Variants in LRP4 observed in about 807,000 individuals in gnomAD.
LRP4 encodes the protein LDL receptor related protein 4.
In LRP4, 95 loss-of-function variants were observed where a neutral mutation model predicts 220.3. That is an observed-to-expected ratio of 0.43 (90% CI 0.37 to 0.51). The LOEUF is 0.51. Ranked by LOEUF, LRP4 falls within the 20% of genes least tolerant of loss-of-function variation. The pLI is 0.00. For synonymous variants in LRP4, 903 were observed against 954.6 expected (o/e 0.95, Z 1.00); for missense variants, 1,925 against 2,567.0 (o/e 0.75, Z 5.40).
chr11:46,879,403 G>T, intron 20 of LRP4, 88 bp from the exon 21 acceptor site: 1 of 1,360,328 alleles, frequency 7.4e-7, no homozygotes. Context: ...TCAGAAAGCA[G>T]CTCTCCCACT....
chr11:46,880,773 T>A (rs912146633), intron 20 of LRP4, among the ~76,000 whole-genome samples: 1 of 151,834 alleles, frequency 6.6e-6, no homozygotes, highest in African/African-American at 2.4e-5. Flanking sequence ...GGGCAAGGAC[T>A]ATGATTAGAC....
rs1434041518 is a variant in LRP4 at position 46,890,656 on chromosome 11, G to C, written c.1698-162C>G. Among the ~76,000 whole-genome samples, 1 of 152,094 alleles carries C rather than the reference G, an allele frequency of 6.6e-6. No homozygotes were observed. Among genetic ancestry groups the C allele is most frequent in the African/African-American group, 2.4e-5 (1 of 41,410 alleles). On this transcript the variant is annotated intron_variant, in intron 13 of 37. Coordinates refer to ENST00000378623, the MANE Select transcript of LRP4 (RefSeq NM_002334.4). The surrounding 1 kb of genome is among the most constrained non-coding windows in gnomAD (Gnocchi z 5.3). ...AGACGGGGTCTCATTTTGTCACCCA[G>C]GCTGGAGGGCAGGTGAGATTACAGC... is the stretch of plus-strand genomic sequence containing the variant.
chr11:46,868,204 A>T, intron 33 of LRP4, 90 bp from the exon 34 acceptor site: 1 of 1,534,364 alleles, frequency 6.5e-7, no homozygotes, highest in South Asian at 1.1e-5. Context: ...TTGACAAAAC[A>T]ATCTTTTAGC....
chr11:46,882,805 G>A (rs1378115123), intron 19 of LRP4, among the ~76,000 whole-genome samples: 1 of 151,912 alleles, frequency 6.6e-6, no homozygotes. Flanking sequence ...GCAGTGAGCC[G>A]TGATTTGCAC....
chr11:46,875,506 T>C lies in LRP4; in HGVS notation c.3875A>G (p.Asn1292Ser), dbSNP rs1940988737. 1 of 1,614,098 alleles carries C rather than the reference T, an allele frequency of 6.2e-7. No individual in the cohort carries two copies. Among genetic ancestry groups the C allele is most frequent in the Non-Finnish European group, 8.5e-7 (1 of 1,180,016 alleles). ...CTGCATGTCCATGAGGCCTGGCAGG[T>C]TGGACCTCACGAGGATGACATTGCT... ...TGSNVILVRSNLPGLMDMQAV... is the reference protein window; with the variant it reads ...TGSNVILVRSSLPGLMDMQAV... Residue 1292 changes from asparagine (N) to serine (S), a missense_variant, in exon 27 of 38, where the codon AAC becomes AGC. Asn to Ser is a conservative substitution (Grantham distance 46, BLOSUM62 1). Transcript: ENST00000378623. The surrounding 1 kb of genome is among the most constrained non-coding windows in gnomAD (Gnocchi z 4.5).
intron 1 of LRP4, among the ~76,000 whole-genome samples, chr11:46,912,558 G>A (rs910829073): frequency 2.0e-5 from 3 of 152,176 alleles, no homozygotes; most frequent in Admixed American, 1.3e-4. Context: ...CTCTCCACTT[G>A]GTTAGAAGGA....
rs7926667 is a variant in LRP4, at chr11:46,896,317, A to G, written c.941T>C (p.Leu314Ser). The G allele has an allele frequency of 9.6e-3, 15,441 of 1,614,034 alleles. 1,280 individuals carry two copies. The African/African-American group carries it at 0.18, about 19-fold the overall frequency. The change falls in exon 9 of 38, where the codon TTG (leucine) becomes TCG (serine). Residue 314 changes from leucine (L) to serine (S), a missense_variant. Physicochemically the swap from Leu to Ser is moderately radical, Grantham distance 145. Around this residue, in one of 3 missense-constraint regions of LRP4, gnomAD observed 412 missense variants for 505.4 expected, o/e 0.82. Transcript: ENST00000378623. ...CCCATTCCAACACAGGAACTGGTCC[A>G]AGGCACATTGGGGGCTTCCTAGAGA... ...CENTGSPQCA[L>S]DQFLCWNGRC...
At chr11:46,896,628 G>A (rs550865743) in intron 8 of LRP4, among the ~76,000 whole-genome samples, 21 of 152,364 alleles carry the variant, frequency 1.4e-4, no homozygotes, top group Admixed American at 3.3e-4. Context: ...ATGGAGGGTA[G>A]TCCTTCCTCA....
intron 18 of LRP4, among the ~76,000 whole-genome samples, chr11:46,885,036 C>T (rs1941254173): frequency 6.6e-6 from 1 of 152,124 alleles, no homozygotes; most frequent in South Asian, 2.1e-4. Context: ...CCTAGATTGG[C>T]ATGCAGTGGT....
intron 20 of LRP4, among the ~76,000 whole-genome samples, chr11:46,880,839 G>A (rs1476113202): frequency 6.6e-6 from 1 of 151,884 alleles, no homozygotes; most frequent in Non-Finnish European, 1.5e-5. Flanking sequence ...ACTTTGGGAG[G>A]CTGAGGCAGA....
chr11:46,864,418 A>T (rs770754177), intron 36 of LRP4, 30 bp downstream of exon 36: 1 of 1,497,072 alleles, frequency 6.7e-7, no homozygotes. Flanking sequence ...ACCAATGAGC[A>T]TGTGGCCCCT....
In LRP4 at chr11:46,892,900, T is replaced by G. The variant is rs1206808052; in HGVS notation, c.1697+73A>C. On this transcript the variant is annotated intron_variant, in intron 13 of 37. Transcript: ENST00000378623. ...ACACTTTGAGGATGTACTCCCAGAA[T>G]GTCTAGTCCAGGTAGCCTGGGAGCT... 12 of 1,558,038 alleles carry G rather than the reference T, an allele frequency of 7.7e-6. No homozygotes were observed. In the Admixed American group the frequency reaches 2.1e-4, roughly 28 times the overall value.
rs759662512 is a variant in LRP4, at chr11:46,869,094, C to G, written c.4731G>C (p.Lys1577Asn). ...RWIYWTDWQT[K>N]SIQRVDKYSG... is the part of the protein sequence containing the mutation. The stretch of plus-strand genomic sequence containing the variant: ...AGTATTTGTCAACACGCTGGATTGA[C>G]TTGGTCTGCCAGTCTGTCCAGTAGA... The change falls in exon 32 of 38, where the codon AAG (lysine) becomes AAC (asparagine). Residue 1577 changes from lysine to asparagine, a missense_variant. By Grantham distance (94) the Lys-to-Asn change is moderately conservative. Transcript: ENST00000378623. The G allele has an allele frequency of 6.2e-7, 1 of 1,614,172 alleles. No homozygotes were observed. Among genetic ancestry groups the G allele is most frequent in the Non-Finnish European group, 8.5e-7 (1 of 1,180,024 alleles).
At chr11:46,910,119 C>G (rs907476131) in intron 1 of LRP4, among the ~76,000 whole-genome samples, 1 of 152,120 alleles carries the variant, frequency 6.6e-6, no homozygotes, top group Non-Finnish European at 1.5e-5. Flanking sequence ...CACATGATTG[C>G]GGGTCCAAGC....
rs1565799717 is a variant in LRP4, at chr11:46,898,665, G to A, written c.689C>T (p.Pro230Leu). 3.1e-6 allele frequency: 5 copies of A among 1,614,000 alleles called. No homozygotes were observed. In the African/African-American group the frequency reaches 5.3e-5, roughly 17 times the overall value. ...SDESDCSSHQ[P>L]CRSGEFMCDS... ...ACACATGAACTCCCCAGAGCGGCAG[G>A]GCTGGTGGGAGGCTAGGGAAACACA... Residue 230 changes from proline to leucine, a missense_variant, in exon 7 of 38, where the codon CCC becomes CTC. Around this residue, in one of 3 missense-constraint regions of LRP4, gnomAD observed 412 missense variants for 505.4 expected, o/e 0.82. Transcript: ENST00000378623.
chr11:46,878,773 C>A, intron 22 of LRP4, 134 bp downstream of exon 22: 1 of 1,332,612 alleles, frequency 7.5e-7, no homozygotes, highest in Non-Finnish European at 1.1e-6. Flanking sequence ...AGCCGTGAGT[C>A]TCTCCCCTGG....
Position 46,868,828 on chromosome 11 carries a change from G to A in LRP4, c.4838-115C>T, listed in dbSNP as rs961695404. 10 of 1,243,316 alleles carry A rather than the reference G, an allele frequency of 8.0e-6. No homozygotes were observed. The South Asian group carries it at 8.5e-5, about 11-fold the overall frequency. 77.0% of individuals were successfully genotyped at this position (1,243,316 alleles called of 1,614,324 possible). A position where few individuals can be genotyped will look rare whatever the true frequency, so the allele number is the denominator to read the frequency against. ...CCCTACTCCCAGGGACAGGGGAGGA[G>A]GAGAGATACAACCGCGAGGGAGTAA... On this transcript the variant is annotated intron_variant, in intron 32 of 37. Coordinates refer to ENST00000378623, the MANE Select transcript of LRP4 (RefSeq NM_002334.4).
intron 6 of LRP4, 44 bp from the exon 7 acceptor site, chr11:46,898,721 G>A (rs1160305888): frequency 6.2e-7 from 1 of 1,613,116 alleles, no homozygotes; most frequent in Non-Finnish European, 8.5e-7. Flanking sequence ...TCTGTGCAGT[G>A]TCCCATGGCA....
At chr11:46,889,389 C>G in intron 16 of LRP4, 22 bp downstream of exon 16, 1 of 1,613,582 alleles carries the variant, frequency 6.2e-7, no homozygotes, top group Admixed American at 1.7e-5. Flanking sequence ...TCCATGGAGG[C>G]TGGTGTTGCA....
Sources: gnomAD v4.1 joint callset for allele counts (sites outside exome capture counted in the v4.1 genomes callset) on GRCh38, gnomAD v4.1.1 for gene constraint, gnomAD v4.1.1 regional missense constraint, Gnocchi (gnomAD v3.1) non-coding constraint, MANE v1.5 for transcripts, NCBI Gene and HGNC (gene_info 2026-07-23, HGNC 2026-07-21) for gene names.